The following KRTAP4-7 variants were observed in gnomAD, a reference collection of about 807,000 sequenced individuals.
The protein encoded by KRTAP4-7 is keratin associated protein 4-7.
Under a neutral mutation model 3.0 loss-of-function variants are expected in KRTAP4-7, and 1 was observed. The observed-to-expected ratio is 0.33, with a 90% CI of 0.12 to 1.57. The LOEUF (loss-of-function observed/expected upper bound fraction) is 1.57, where lower values mean the gene tolerates loss of function less well. Ranked by LOEUF, KRTAP4-7 falls within the 40% of genes most tolerant of loss-of-function variation. The probability of loss-of-function intolerance (pLI) is 0.37; values close to 1 mark genes in which losing one functional copy is unlikely to be tolerated. For missense variants in KRTAP4-7, 199 were observed against 209.1 expected, an observed-to-expected ratio of 0.95 and a Z score of 0.30; for synonymous variants, 70 against 74.6, an observed-to-expected ratio of 0.94 and a Z score of 0.32.
At chr17:41,084,579 T>C (rs2013614531) in exon 1 of KRTAP4-7, 1 of 1,587,982 alleles carries the variant, frequency 6.3e-7, no homozygotes, top group East Asian at 2.3e-5. Context: ...GCGTCCAGTC[T>C]GTGGCCGAGT....
At chr17:41,084,731 C>G in exon 1 of KRTAP4-7, 2 of 1,529,108 alleles carry the variant, frequency 1.3e-6, no homozygotes, top group Non-Finnish European at 1.8e-6. Context: ...GTAGACCCTT[C>G]TACTGTGCTG....
chr17:41,084,889 G>A (rs908892974), exon 1 of KRTAP4-7: 7 of 719,514 alleles, frequency 9.7e-6, no homozygotes, highest in Non-Finnish European at 1.6e-5. Context: ...TTCTGGTGGT[G>A]GCACCAAATG....
At chr17:41,084,396 T>C (rs566092225) in exon 1 of KRTAP4-7, 1 of 1,422,646 alleles carries the variant, frequency 7.0e-7, no homozygotes, top group South Asian at 1.3e-5. Context: ...CCAACCCACC[T>C]GCTGTCGCCC....
chr17:41,084,698 C>A, exon 1 of KRTAP4-7: 1 of 1,563,774 alleles, frequency 6.4e-7, no homozygotes, highest in Non-Finnish European at 8.7e-7. Context: ...GCTCACGTCC[C>A]CCTTCACCAC....
chr17:41,084,700 C>T, exon 1 of KRTAP4-7: 3 of 1,562,592 alleles, frequency 1.9e-6, no homozygotes, highest in Non-Finnish European at 2.6e-6. Flanking sequence ...TCACGTCCCC[C>T]TTCACCACTG....
exon 1 of KRTAP4-7, chr17:41,084,466 C>T: frequency 6.6e-7 from 1 of 1,517,376 alleles, no homozygotes; most frequent in East Asian, 2.3e-5. Context: ...TGCTGCCGCC[C>T]CAGCTGCTGT....
At chr17:41,084,618 A>C (rs1443570570) in exon 1 of KRTAP4-7, 1 of 1,600,370 alleles carries the variant, frequency 6.2e-7, no homozygotes, top group Non-Finnish European at 8.5e-7. Context: ...CTATCGCCCA[A>C]CCTGTGTCAT....
chr17:41,085,045 C>G (rs2013626009), exon 1 of KRTAP4-7: 5 of 328,834 alleles, frequency 1.5e-5, no homozygotes, highest in Non-Finnish European at 5.8e-6. Flanking sequence ...GTTGCACCCT[C>G]AGATCCAGCC....
exon 1 of KRTAP4-7, chr17:41,084,739 C>T (rs941645729): frequency 6.3e-5 from 95 of 1,517,426 alleles, no homozygotes; most frequent in Middle Eastern, 1.7e-4. Flanking sequence ...TTCTACTGTG[C>T]TGACCATTAG....
exon 1 of KRTAP4-7, chr17:41,084,927 G>T: frequency 1.6e-6 from 1 of 616,118 alleles, no homozygotes; most frequent in South Asian, 2.5e-5. Context: ...CACTAGCTAA[G>T]AAATTATTCC....
At chr17:41,084,208 T>C (rs1231475653) in exon 1 of KRTAP4-7, 1 of 1,603,166 alleles carries the variant, frequency 6.2e-7, no homozygotes, top group African/African-American at 1.3e-5. Flanking sequence ...TCTGACACCA[T>C]GGTCAGCTCC....
chr17:41,084,757 G>T (rs2013619987), exon 1 of KRTAP4-7: 1 of 1,486,334 alleles, frequency 6.7e-7, no homozygotes, highest in Non-Finnish European at 9.0e-7. Context: ...TAGGATACAT[G>T]AAGTGGGGTT....
exon 1 of KRTAP4-7, chr17:41,084,756 T>G (rs897342009): frequency 3.8e-5 from 57 of 1,486,710 alleles, no homozygotes; most frequent in African/African-American, 1.8e-4. Flanking sequence ...TTAGGATACA[T>G]GAAGTGGGGT....
At chr17:41,084,263 C>T (rs1182114081) in exon 1 of KRTAP4-7, 1 of 1,613,908 alleles carries the variant, frequency 6.2e-7, no homozygotes, top group Non-Finnish European at 8.5e-7. Context: ...GCCAAGACCT[C>T]TGTCAGGAGA....
exon 1 of KRTAP4-7, chr17:41,085,045 C>T (rs2013626009): frequency 6.1e-6 from 2 of 328,834 alleles, no homozygotes; most frequent in Non-Finnish European, 1.2e-5. Flanking sequence ...GTTGCACCCT[C>T]AGATCCAGCC....
At chr17:41,084,490 G>A in exon 1 of KRTAP4-7, 1 of 1,504,720 alleles carries the variant, frequency 6.6e-7, no homozygotes, top group Non-Finnish European at 9.1e-7. Context: ...TCCAGCTGCT[G>A]CAAGCCCCAG....
exon 1 of KRTAP4-7, chr17:41,084,770 T>C (rs142215792): frequency 0.012 from 18,331 of 1,470,810 alleles, 152 homozygotes; most frequent in Non-Finnish European, 0.016. Context: ...GTGGGGTTGA[T>C]GTCATTCAAT....
At chr17:41,084,999 G>T in exon 1 of KRTAP4-7, 1 of 462,162 alleles carries the variant, frequency 2.2e-6, no homozygotes, top group Non-Finnish European at 3.9e-6. Flanking sequence ...TCTCAGTGAG[G>T]TAGATATTAT....
At chr17:41,084,423 A>T (rs1229790333) in exon 1 of KRTAP4-7, 2 of 1,419,872 alleles carry the variant, frequency 1.4e-6, no homozygotes, top group East Asian at 2.7e-5. Flanking sequence ...CTGTGAGACG[A>T]CCTGCTGCCA....
Sources: allele counts gnomAD v4.1 joint callset, GRCh38; gene constraint gnomAD v4.1.1; transcripts MANE v1.5; gene names NCBI Gene and HGNC (gene_info 2026-07-23, HGNC 2026-07-21).